Variants in MCPH1 observed in about 807,000 individuals in gnomAD.
The protein encoded by MCPH1 is microcephalin 1, also known as microcephalin.
Under a neutral mutation model 84.5 loss-of-function variants are expected in MCPH1, and 104 were observed. The observed-to-expected ratio is 1.23, with a 90% CI of 1.05 to 1.45. The LOEUF (loss-of-function observed/expected upper bound fraction) is 1.45. Ranked by LOEUF, MCPH1 falls within the 40% of genes most tolerant of loss-of-function variation. The pLI is 0.00. For missense variants in MCPH1, 1,498 were observed against 1,005.7 expected, an observed-to-expected ratio of 1.49 and a Z score of -6.62; for synonymous variants, 514 against 366.8, an observed-to-expected ratio of 1.40 and a Z score of -4.58.
chr8:6,583,427 A>G (rs2442584), intron 12 of MCPH1, among the ~76,000 whole-genome samples: 114,711 of 152,172 alleles, frequency 0.75, 43,691 homozygotes, highest in East Asian at 0.94. Context: ...CTGGCTGTGT[A>G]ATGCAGAATA....
intron 12 of MCPH1, chr8:6,502,020 G>A (rs1812296216): frequency 6.6e-6 from 1 of 150,774 alleles, no homozygotes; most frequent in Admixed American, 6.6e-5. Context: ...TGAATCTTGA[G>A]ACATATAGCT....
chr8:6,435,932 T>C (rs1225796770), intron 4 of MCPH1, 116 bp from the exon 5 acceptor site: 18 of 1,286,742 alleles, frequency 1.4e-5, no homozygotes, highest in East Asian at 1.3e-4. Flanking sequence ...AACACCTCTT[T>C]TAGAATTTTT....
chr8:6,639,326 A>C (rs957055254), intron 13 of MCPH1, among the ~76,000 whole-genome samples: 1 of 152,180 alleles, frequency 6.6e-6, no homozygotes, highest in Non-Finnish European at 1.5e-5. Context: ...TAAAGATAGA[A>C]GTGTATCTTC....
At chr8:6,573,480 C>G (rs925888486) in intron 12 of MCPH1, among the ~76,000 whole-genome samples, 6 of 152,152 alleles carry the variant, frequency 3.9e-5, no homozygotes, top group Non-Finnish European at 2.9e-5. Flanking sequence ...AATAAAATAA[C>G]TTGGCAATAG....
intron 11 of MCPH1, among the ~76,000 whole-genome samples, chr8:6,485,156 C>G (rs1370776233): frequency 6.6e-6 from 1 of 152,066 alleles, no homozygotes; most frequent in African/African-American, 2.4e-5. Context: ...GAAACTCCGT[C>G]TCTACTAAAA....
chr8:6,443,635 C>T (rs1258133055), intron 7 of MCPH1, among the ~76,000 whole-genome samples: 1 of 152,188 alleles, frequency 6.6e-6, no homozygotes, highest in Non-Finnish European at 1.5e-5. Flanking sequence ...GGGCAGATGC[C>T]CACGTAACCA....
At chr8:6,520,001 AAAAATAGT>A (rs1446607473) in intron 12 of MCPH1, 2 of 1,613,006 alleles carry the variant, frequency 1.2e-6, no homozygotes, top group Non-Finnish European at 1.7e-6. Flanking sequence ...GCTGCTTTTA[AAAAATAGT>A]AAGGCATTTA....
intron 13 of MCPH1, among the ~76,000 whole-genome samples, chr8:6,628,569 A>C (rs778499774): frequency 3.0e-4 from 45 of 151,942 alleles, no homozygotes; most frequent in Non-Finnish European, 5.6e-4. Flanking sequence ...GAAATATTGT[A>C]GACAAGGCAA....
chr8:6,596,430 C>G (rs1190220884), intron 12 of MCPH1, among the ~76,000 whole-genome samples: 2 of 152,134 alleles, frequency 1.3e-5, no homozygotes, highest in African/African-American at 4.8e-5. Context: ...GGGAAGTAGC[C>G]CCATCTGTCA....
intron 12 of MCPH1, among the ~76,000 whole-genome samples, chr8:6,537,590 G>C (rs1820742017): frequency 6.6e-6 from 1 of 151,378 alleles, no homozygotes; most frequent in Non-Finnish European, 1.5e-5. Flanking sequence ...ATATTTTAGT[G>C]CAAAATATGT....
chr8:6,408,021 T>C (rs1294861510), intron 1 of MCPH1, among the ~76,000 whole-genome samples: 1 of 152,244 alleles, frequency 6.6e-6, no homozygotes, highest in Non-Finnish European at 1.5e-5. Flanking sequence ...TGAGTAGTTG[T>C]GGCAAATACT....
intron 12 of MCPH1, among the ~76,000 whole-genome samples, chr8:6,551,911 T>C (rs528438913): frequency 6.2e-4 from 95 of 152,358 alleles, no homozygotes; most frequent in East Asian, 2.5e-3. Flanking sequence ...TACATCTGTA[T>C]GTAATAATTT....
intron 12 of MCPH1, chr8:6,514,815 C>T (rs1351418142): frequency 1.3e-6 from 2 of 1,552,110 alleles, no homozygotes; most frequent in East Asian, 4.5e-5. Flanking sequence ...TGACAGAGCC[C>T]CCCCACTCCC....
At chr8:6,548,160 T>G (rs1215011141) in intron 12 of MCPH1, among the ~76,000 whole-genome samples, 3 of 152,178 alleles carry the variant, frequency 2.0e-5, no homozygotes, top group African/African-American at 7.2e-5. Context: ...ACTGGAATCT[T>G]GGCCTTCTCC....
At position 6,480,832 on chromosome 8, in the gene MCPH1, C is replaced by A; in HGVS notation, c.2092C>A (p.Leu698Met). The change falls in exon 11 of 14, where the codon CTG becomes ATG. Residue 698 changes from leucine (L) to methionine (M), a missense_variant. Transcript: ENST00000344683. ...SGKPLRTLNV[L>M]LGIARGCWVL... ...GAAGCCACTTCGCACCCTGAATGTG[C>A]TGCTGGGAATTGCGCGTGGCTGCTG... The A allele has an allele frequency of 6.2e-7, 1 of 1,614,206 alleles. No individual in the cohort carries two copies. The highest frequency in any genetic ancestry group is 1.1e-5 in the South Asian group (1 of 91,088).
At chr8:6,471,969 G>T (rs1376419236) in intron 9 of MCPH1, among the ~76,000 whole-genome samples, 1 of 152,196 alleles carries the variant, frequency 6.6e-6, no homozygotes, top group Admixed American at 6.5e-5. Flanking sequence ...TAAATTTATT[G>T]AGAGTTCATT....
chr8:6,409,408 C>G, intron 2 of MCPH1, 38 bp downstream of exon 2: 1 of 1,465,388 alleles, frequency 6.8e-7, no homozygotes, highest in East Asian at 2.3e-5. Flanking sequence ...ATATGACAGT[C>G]TTCTGATTGG....
intron 12 of MCPH1, among the ~76,000 whole-genome samples, chr8:6,587,647 G>T (rs1201914716): frequency 6.6e-6 from 1 of 152,158 alleles, no homozygotes; most frequent in Non-Finnish European, 1.5e-5. Flanking sequence ...GGCCTGGATG[G>T]CTTATTGTGG....
intron 4 of MCPH1, among the ~76,000 whole-genome samples, chr8:6,433,355 A>G (rs935851002): frequency 1.3e-5 from 2 of 152,168 alleles, no homozygotes; most frequent in African/African-American, 2.4e-5. Context: ...TTTCTTGGCC[A>G]GATACAGTGG....
Sources: allele counts gnomAD v4.1 joint callset (sites outside exome capture counted in the v4.1 genomes callset), GRCh38; gene constraint gnomAD v4.1.1; transcripts MANE v1.5; gene names NCBI Gene and HGNC (gene_info 2026-07-23, HGNC 2026-07-21).